Variants in PRKAG3 observed in about 807,000 individuals in gnomAD.
The protein encoded by PRKAG3 is 5'-AMP-activated protein kinase subunit gamma-3.
In PRKAG3, 39 loss-of-function variants were observed where a neutral mutation model predicts 56.5. That is an observed-to-expected ratio of 0.69 (90% CI 0.53 to 0.90). The LOEUF is 0.90. Among genes scored for constraint, PRKAG3 ranks in the 40% least tolerant of loss-of-function variants. PRKAG3 has a pLI of 0.00. For missense variants in PRKAG3, 628 were observed against 627.5 expected, an observed-to-expected ratio of 1.00 and a Z score of -0.01; for synonymous variants, 243 against 250.1, an observed-to-expected ratio of 0.97 and a Z score of 0.27.
rs539378622 is a variant in PRKAG3 at position 218,830,291 on chromosome 2, A to AC, written c.319dup (p.Val107GlyfsTer14). On this transcript the variant is annotated frameshift_variant, in exon 4 of 13. Coordinates refer to ENST00000529249, the Ensembl canonical transcript of PRKAG3. LOFTEE classifies it high-confidence loss of function. Reference sequence around the variant, plus strand: ...GTCCCACCCTGTTGGTGGAGTGCCCACCCCGGCAGGATCAGCTTGAGCCAA... The same window carrying AC: ...GTCCCACCCTGTTGGTGGAGTGCCCACCCCCGGCAGGATCAGCTTGAGCCAA... The AC allele has an allele frequency of 1.2e-6, 2 of 1,613,250 alleles. No individual in the cohort carries two copies. The highest frequency in any genetic ancestry group is 2.2e-5 in the South Asian group (2 of 91,064).
chr2:218,830,276 G>A, exon 4 of PRKAG3: 1 of 1,613,688 alleles, frequency 6.2e-7, no homozygotes, highest in Non-Finnish European at 8.5e-7. Flanking sequence ...GTCCCACCCT[G>A]TTGGTGGAGT....
chr2:218,826,444 T>A (rs557464765), intron 10 of PRKAG3, among the ~76,000 whole-genome samples: 30 of 152,348 alleles, frequency 2.0e-4, no homozygotes, highest in Non-Finnish European at 2.8e-4. Flanking sequence ...TTTAATTTTT[T>A]AAATTTTATT....
chr2:218,822,979 G>A (rs1163057602), downstream of PRKAG3: 1 of 985,416 alleles, frequency 1.0e-6, no homozygotes, highest in Non-Finnish European at 1.2e-6. Flanking sequence ...TGACTCAGCT[G>A]TTCTCCTTAA....
chr2:218,825,335 C>CAAAA (rs3078328), intron 10 of PRKAG3, among the ~76,000 whole-genome samples: 2,936 of 70,982 alleles, frequency 0.041, 120 homozygotes, highest in African/African-American at 0.11. Context: ...GACTCTGTCT[C>CAAAA]AAAAAAAAAA....
chr2:218,822,911 T>A (rs1212956755), downstream of PRKAG3: 3 of 985,420 alleles, frequency 3.0e-6, no homozygotes, highest in African/African-American at 3.5e-5. Context: ...TGGGCGGGCA[T>A]GGAGCACAGA....
In PRKAG3 at chr2:218,827,078, G is replaced by A. The variant is rs33985460; in HGVS notation, c.1018C>T (p.Arg340Trp). The A allele has an allele frequency of 0.052, 84,195 of 1,613,264 alleles. 2,583 individuals carry two copies. Among genetic ancestry groups the A allele is most frequent in the Middle Eastern group, 0.091 (487 of 5,324 alleles). Reference sequence around the variant, plus strand: ...ATAGTGCGGTAGAGGAAGGAGGGCCGGGGCAGCAGGGAACCCTGGTTAGGA... The same window carrying A: ...ATAGTGCGGTAGAGGAAGGAGGGCCAGGGCAGCAGGGAACCCTGGTTAGGA... The change falls in exon 10 of 13, where the codon CGG becomes TGG. Residue 340 changes from arginine (R) to tryptophan (W), a missense_variant. Arg to Trp is a moderately radical substitution (Grantham distance 101). Transcript: ENST00000529249. This position sits in a 1 kb window ranked among gnomAD's most constrained non-coding sequence, Gnocchi z 5.3.
chr2:218,824,468 C>T, intron 11 of PRKAG3, 71 bp downstream of exon 11: 2 of 1,607,936 alleles, frequency 1.2e-6, no homozygotes, highest in Non-Finnish European at 1.7e-6. Context: ...CCCCCTGGTC[C>T]ACAGAGGCCC....
chr2:218,825,877 C>A (rs1943924946), intron 10 of PRKAG3, among the ~76,000 whole-genome samples: 1 of 151,804 alleles, frequency 6.6e-6, no homozygotes, highest in East Asian at 1.9e-4. Context: ...CTACCTCAGC[C>A]TCCTAAGTAG....
intron 5 of PRKAG3, 43 bp downstream of exon 5, chr2:218,828,476 C>G: frequency 6.4e-7 from 1 of 1,557,636 alleles, no homozygotes; most frequent in East Asian, 2.3e-5. Context: ...AGATCTCCCC[C>G]TCACCTCCTC....
chr2:218,826,428 G>A (rs958133564), intron 10 of PRKAG3, among the ~76,000 whole-genome samples: 12 of 152,214 alleles, frequency 7.9e-5, no homozygotes, highest in African/African-American at 2.9e-4. Context: ...GAGGTCCCAT[G>A]GCACATTTAA....
chr2:218,831,262 TGGGGTCCCAGAAAAGTG>T, intron 2 of PRKAG3, 57 bp downstream of exon 2: 1 of 1,174,962 alleles, frequency 8.5e-7, no homozygotes, highest in Non-Finnish European at 1.2e-6. Context: ...GGGAGGGAAT[TGGGGTCCCAGAAAAGTG>T]GGGGACAAGG....
exon 4 of PRKAG3, chr2:218,830,221 T>C (rs1943999032): frequency 6.2e-7 from 1 of 1,613,954 alleles, no homozygotes; most frequent in South Asian, 1.1e-5. Flanking sequence ...CCACATCATC[T>C]GTGCTGGAGC....
At position 218,827,536 on chromosome 2, in the gene PRKAG3, G is replaced by GGGA; in HGVS notation, c.875+36_875+38dup. The GGGA allele has an allele frequency of 6.2e-7, 1 of 1,606,768 alleles. No individual in the cohort carries two copies. Among genetic ancestry groups the GGGA allele is most frequent in the Non-Finnish European group, 8.5e-7 (1 of 1,173,420 alleles). On this transcript the variant is annotated intron_variant, in intron 8 of 12. Coordinates refer to ENST00000529249, the Ensembl canonical transcript of PRKAG3. The surrounding 1 kb of genome is among the most constrained non-coding windows in gnomAD (Gnocchi z 5.3). ...GAGTGGGACTGGGGAAGGGGACTGT[G>GGGA]GGAGGAGGAGGCTCAGGTGAATGAG...
intron 10 of PRKAG3, among the ~76,000 whole-genome samples, chr2:218,825,000 T>G (rs1943911934): frequency 6.6e-6 from 1 of 152,138 alleles, no homozygotes; most frequent in African/African-American, 2.4e-5. Flanking sequence ...GTTATAGATT[T>G]AAAGAGATTT....
chr2:218,824,697 A>C, intron 10 of PRKAG3, 121 bp from the exon 11 acceptor site: 1 of 887,282 alleles, frequency 1.1e-6, no homozygotes, highest in Non-Finnish European at 1.9e-6. Flanking sequence ...CCAGAACCCA[A>C]GGATCAAACT....
chr2:218,824,041 G>T (rs1444985465), intron 12 of PRKAG3, among the ~76,000 whole-genome samples, 163 bp from the exon 13 acceptor site: 1 of 152,188 alleles, frequency 6.6e-6, no homozygotes, highest in Admixed American at 6.5e-5. Flanking sequence ...TGATCAGTTG[G>T]CAGTGACCCC....
chr2:218,823,242 C>T, downstream of PRKAG3: 1 of 240,580 alleles, frequency 4.2e-6, no homozygotes, highest in South Asian at 8.4e-5. Context: ...TGTCACATTT[C>T]CTGAGATGAG....
intron 10 of PRKAG3, among the ~76,000 whole-genome samples, chr2:218,826,049 G>A (rs963174385): frequency 3.9e-5 from 6 of 152,092 alleles, no homozygotes; most frequent in East Asian, 3.8e-4. Flanking sequence ...ATGAGCCACC[G>A]CCCCTGGCCA....
chr2:218,829,846 G>T, intron 4 of PRKAG3, 132 bp downstream of exon 4: 1 of 1,103,238 alleles, frequency 9.1e-7, no homozygotes, highest in Non-Finnish European at 1.3e-6. Flanking sequence ...CCTCCATAGT[G>T]CTAAGAAGGA....
Sources: allele counts gnomAD v4.1 joint callset (sites outside exome capture counted in the v4.1 genomes callset), GRCh38; gene constraint gnomAD v4.1.1; non-coding constraint Gnocchi (gnomAD v3.1); transcripts MANE v1.5; gene names NCBI Gene and HGNC (gene_info 2026-07-23, HGNC 2026-07-21).